LDLRAD4: variants seen among roughly 807,000 people sequenced by gnomAD.
LDLRAD4 encodes the protein low density lipoprotein receptor class A domain containing 4.
LDLRAD4 carries 5 observed loss-of-function variants against 17.0 expected under a neutral mutation model. That is an observed-to-expected ratio of 0.29 (90% confidence interval 0.15 to 0.62). LDLRAD4 has a LOEUF of 0.62. Ranked by LOEUF, LDLRAD4 falls within the 20% of genes least tolerant of loss-of-function variation. The pLI is 0.84. For synonymous variants in LDLRAD4, 168 were observed against 171.8 expected (o/e 0.98, Z 0.17); for missense variants, 340 against 424.7 (o/e 0.80, Z 1.75).
intron 1 of LDLRAD4, among the ~76,000 whole-genome samples, chr18:13,373,683 G>A (rs953995897): frequency 1.6e-4 from 24 of 152,190 alleles, no homozygotes; most frequent in African/African-American, 5.3e-4. Flanking sequence ...AAGCAAAATG[G>A]ATAGAAAATC....
At chr18:13,632,285 C>T (rs571762762) in intron 4 of LDLRAD4, among the ~76,000 whole-genome samples, 6 of 152,384 alleles carry the variant, frequency 3.9e-5, no homozygotes, top group South Asian at 4.1e-4. Context: ...GCTCAGCTCA[C>T]GTTACTGGCC....
chr18:13,304,939 G>C (rs2046822937), intron 1 of LDLRAD4, among the ~76,000 whole-genome samples: 1 of 152,160 alleles, frequency 6.6e-6, no homozygotes, highest in African/African-American at 2.4e-5. Flanking sequence ...TCATTTCACA[G>C]TTGAAAAACT....
chr18:13,368,272 G>A (rs1450457147), intron 1 of LDLRAD4, among the ~76,000 whole-genome samples: 4 of 152,088 alleles, frequency 2.6e-5, no homozygotes, highest in Non-Finnish European at 5.9e-5. Flanking sequence ...TGGGGGATGA[G>A]CTAAGGAGGA....
intron 1 of LDLRAD4, among the ~76,000 whole-genome samples, chr18:13,265,667 C>T (rs2044174896): frequency 6.6e-6 from 1 of 152,168 alleles, no homozygotes; most frequent in African/African-American, 2.4e-5. Context: ...GACTGTCCTC[C>T]CCAGGCACGT....
chr18:13,270,755 C>G (rs182313291), intron 1 of LDLRAD4, among the ~76,000 whole-genome samples: 1 of 152,008 alleles, frequency 6.6e-6, no homozygotes, highest in Admixed American at 6.6e-5. Flanking sequence ...TCTGCAGGAG[C>G]GGAGACCACA....
chr18:13,605,006 C>T (rs920331129), intron 3 of LDLRAD4, among the ~76,000 whole-genome samples: 3 of 152,104 alleles, frequency 2.0e-5, no homozygotes, highest in South Asian at 2.1e-4. Context: ...AAGGCCGAGG[C>T]GGGGACAGAG....
intron 1 of LDLRAD4, among the ~76,000 whole-genome samples, chr18:13,318,849 G>A (rs532540489): frequency 6.6e-6 from 1 of 152,304 alleles, no homozygotes; most frequent in African/African-American, 2.4e-5. Context: ...TCCTGTCCAC[G>A]TTAGAAAAGC....
intron 1 of LDLRAD4, chr18:13,241,432 C>T (rs2042644557): frequency 6.6e-6 from 1 of 152,302 alleles, no homozygotes; most frequent in Non-Finnish European, 1.5e-5. Context: ...CTCATCACTA[C>T]TCTGTACACA....
At chr18:13,237,871 A>G (rs2042412987) in intron 1 of LDLRAD4, among the ~76,000 whole-genome samples, 2 of 152,208 alleles carry the variant, frequency 1.3e-5, no homozygotes, top group Non-Finnish European at 2.9e-5. Context: ...GGTCTAGGGA[A>G]TTTAGCACCT....
intron 4 of LDLRAD4, 32 bp from the exon 6 acceptor site, chr18:13,643,327 C>T: frequency 1.4e-6 from 2 of 1,410,632 alleles, no homozygotes; most frequent in Non-Finnish European, 1.9e-6. Context: ...GTTTCTTGTT[C>T]CCCCCACTCT....
At chr18:13,370,911 A>G (rs368277873) in intron 1 of LDLRAD4, among the ~76,000 whole-genome samples, 1 of 151,858 alleles carries the variant, frequency 6.6e-6, no homozygotes, top group African/African-American at 2.4e-5. Flanking sequence ...GGGTTTCACC[A>G]TATTGACCAG....
At chr18:13,221,320 C>G (rs1196778252) in intron 1 of LDLRAD4, among the ~76,000 whole-genome samples, 1 of 152,204 alleles carries the variant, frequency 6.6e-6, no homozygotes, top group African/African-American at 2.4e-5. Context: ...CCTTCCCTCT[C>G]TCCCTCTGTT....
rs72225166 is a variant in LDLRAD4, at chr18:13,609,530, C to CGTGTGTGT, written c.182-11566_182-11559dup. ...AGCGCTCATTATGCGTGTGTGTGTG[C>CGTGTGTGT]GTGTGTGTGTGTGTGTGTGTGTGTG... is the stretch of plus-strand genomic sequence containing the variant. On this transcript the variant is annotated intron_variant, in intron 3 of 5. Transcript: ENST00000359446. Among the ~76,000 whole-genome samples, 1,158 of 149,554 alleles carry CGTGTGTGT rather than the reference C, an allele frequency of 7.7e-3. 15 individuals carry two copies. The highest frequency in any genetic ancestry group is 0.027 in the African/African-American group (1,108 of 40,380).
At chr18:13,632,446 C>T (rs574075972) in intron 4 of LDLRAD4, among the ~76,000 whole-genome samples, 54 of 152,368 alleles carry the variant, frequency 3.5e-4, no homozygotes, top group Middle Eastern at 3.4e-3. Flanking sequence ...GGTGCTTGCT[C>T]TGTGCAAGGC....
At chr18:13,418,420 G>A (rs9955711) in intron 2 of LDLRAD4, among the ~76,000 whole-genome samples, 12 of 152,292 alleles carry the variant, frequency 7.9e-5, no homozygotes, top group Admixed American at 3.3e-4. Flanking sequence ...AGCCTCTTCC[G>A]GGTCGTTCTT....
intron 4 of LDLRAD4, among the ~76,000 whole-genome samples, chr18:13,631,913 C>T (rs564957319): frequency 2.6e-3 from 396 of 152,002 alleles, no homozygotes; most frequent in African/African-American, 9.3e-3. Context: ...GAAGACAGAG[C>T]GAGACTCTGT....
At chr18:13,603,077 G>C (rs1417610749) in intron 3 of LDLRAD4, among the ~76,000 whole-genome samples, 1 of 140,770 alleles carries the variant, frequency 7.1e-6, no homozygotes, top group Non-Finnish European at 1.6e-5. Flanking sequence ...AGTTTTTAAA[G>C]TACCTTTTTA....
intron 1 of LDLRAD4, among the ~76,000 whole-genome samples, chr18:13,228,429 G>A (rs1221492998): frequency 2.0e-5 from 3 of 152,186 alleles, no homozygotes; most frequent in African/African-American, 7.2e-5. Flanking sequence ...TGGCTGAGGT[G>A]TGCAGAGCTG....
chr18:13,462,677 G>A (rs1388383300), intron 3 of LDLRAD4, among the ~76,000 whole-genome samples: 2 of 152,202 alleles, frequency 1.3e-5, no homozygotes, highest in African/African-American at 4.8e-5. Context: ...CAAGAAAGGC[G>A]TATATCAATG....
Sources: allele counts gnomAD v4.1 joint callset (sites outside exome capture counted in the v4.1 genomes callset), GRCh38; gene constraint gnomAD v4.1.1; transcripts MANE v1.5; gene names NCBI Gene and HGNC (gene_info 2026-07-23, HGNC 2026-07-21).